NKAIN4: variants seen among roughly 807,000 people sequenced by gnomAD.
NKAIN4 encodes the protein sodium/potassium-transporting ATPase subunit beta-1-interacting protein 4.
NKAIN4 carries 28 observed loss-of-function variants against 28.8 expected under a neutral mutation model. The observed-to-expected ratio is 0.97, with a 90% CI of 0.72 to 1.33. NKAIN4 has a LOEUF of 1.33. Ranked by LOEUF, NKAIN4 falls within the 40% of genes most tolerant of loss-of-function variation. The probability of loss-of-function intolerance (pLI) is 0.00; values close to 1 mark genes in which losing one functional copy is unlikely to be tolerated. For synonymous variants in NKAIN4, 122 were observed against 115.6 expected (o/e 1.06, Z -0.36); for missense variants, 289 against 277.2 (o/e 1.04, Z -0.30).
chr20:63,254,571 C>T, upstream of NKAIN4: 4 of 673,502 alleles, frequency 5.9e-6, no homozygotes, highest in Non-Finnish European at 4.2e-6. Flanking sequence ...CCCCCCTCCT[C>T]CCCGCAACCC....
intron 5 of NKAIN4, 96 bp downstream of exon 5, chr20:63,243,928 G>A (rs2066808464): frequency 2.0e-6 from 2 of 1,017,090 alleles, no homozygotes; most frequent in Non-Finnish European, 3.0e-6. Flanking sequence ...CTTCCAAGTG[G>A]GGAGGTCTCT....
Position 63,241,390 on chromosome 20 carries a change from G to C in NKAIN4, c.*107C>G. On this transcript the variant is annotated 3_prime_UTR_variant, in exon 7 of 7. Coordinates refer to ENST00000370316, the MANE Select transcript of NKAIN4 (RefSeq NM_152864.4). ...CAGGGCAGGTGCTGCCGGCCGCCTGGGGGGTGCTGGGTGGGGGCGCGTCCC... is the reference window on the plus strand; with the variant it reads ...CAGGGCAGGTGCTGCCGGCCGCCTGCGGGGTGCTGGGTGGGGGCGCGTCCC... The C allele has an allele frequency of 8.1e-7, 1 of 1,232,356 alleles. No homozygotes were observed. The highest frequency in any genetic ancestry group is 1.2e-6 in the Non-Finnish European group (1 of 858,464). The allele number at this position is 1,232,356 out of a possible 1,614,324, so 76.3% of individuals were successfully genotyped here. A position where few individuals can be genotyped will look rare whatever the true frequency, so the allele number is the denominator to read the frequency against.
chr20:63,241,598 G>C (rs1468893365), intron 6 of NKAIN4, 92 bp from the exon 7 acceptor site: 5 of 1,176,446 alleles, frequency 4.3e-6, no homozygotes, highest in Non-Finnish European at 6.2e-6. Context: ...ACCTGAAATG[G>C]AACAAAGTCC....
In NKAIN4 at chr20:63,249,943, C is replaced by T. The variant is rs769217545; in HGVS notation, c.184G>A (p.Val62Ile). ...CCGGGCCCAGGACTCACCACCATGACATAGCGCAGCCGGTACTGGATGGTG... is the reference window on the plus strand; with the variant it reads ...CCGGGCCCAGGACTCACCACCATGATATAGCGCAGCCGGTACTGGATGGTG... Reference protein sequence around the residue: ...FGTIQYRLRYVMVYTLWAAVW... With the variant: ...FGTIQYRLRYIMVYTLWAAVW... Residue 62 changes from valine to isoleucine, a missense_variant, in exon 2 of 7, where the codon GTC (valine) becomes ATC (isoleucine). Physicochemically the swap from Val to Ile is conservative, Grantham distance 29 (BLOSUM62 3). Transcript: ENST00000370316. 8.7e-6 allele frequency: 14 copies of T among 1,612,978 alleles called. No homozygotes were observed. The Admixed American group carries it at 1.5e-4, about 17-fold the overall frequency.
chr20:63,246,289 GGGAAATT>G (rs1352150936), intron 4 of NKAIN4, among the ~76,000 whole-genome samples: 1 of 151,400 alleles, frequency 6.6e-6, no homozygotes, highest in Non-Finnish European at 1.5e-5. Flanking sequence ...GTGCACACTT[GGGAAATT>G]GGCTCTTTCT....
intron 4 of NKAIN4, chr20:63,247,229 A>G (rs2066875382): frequency 3.3e-6 from 4 of 1,212,176 alleles, no homozygotes; most frequent in Non-Finnish European, 3.1e-6. Context: ...TGGGTTTGTC[A>G]GGAAGATGCA....
At chr20:63,254,551 G>GCATCCCGTTCCCCCCTCCTCCC, upstream of NKAIN4, 1 of 814,520 alleles carries the variant, frequency 1.2e-6, no homozygotes, top group Non-Finnish European at 1.6e-6. Flanking sequence ...CGCCCCCTCC[G>GCATCCCGTTCCCCCCTCCTCCC]CATCCCGTTC....
At chr20:63,244,110 T>G in intron 4 of NKAIN4, 26 bp from the exon 5 acceptor site, 2 of 1,604,708 alleles carry the variant, frequency 1.2e-6, no homozygotes, top group Non-Finnish European at 1.7e-6. Flanking sequence ...GGCAGGGGCG[T>G]GAGTGCGGCC....
At position 63,249,969 on chromosome 20, in the gene NKAIN4, C is replaced by T; in HGVS notation, c.158G>A (p.Gly53Asp). The T allele has an allele frequency of 6.2e-7, 1 of 1,613,438 alleles. No individual in the cohort carries two copies. The highest frequency in any genetic ancestry group is 1.1e-5 in the South Asian group (1 of 91,078). The change falls in exon 2 of 7, where the codon GGC becomes GAC. Residue 53 changes from glycine (G) to aspartate (D), a missense_variant. Coordinates refer to ENST00000370316, the MANE Select transcript of NKAIN4 (RefSeq NM_152864.4). ...HIIIVILGLF[G>D]TIQYRLRYVM... is the part of the protein sequence containing the mutation. ...ATAGCGCAGCCGGTACTGGATGGTG[C>T]CGAAGAGTCCCAGGATGACGATGAT...
intron 2 of NKAIN4, 41 bp downstream of exon 2, chr20:63,249,894 C>A: frequency 6.3e-7 from 1 of 1,583,254 alleles, no homozygotes; most frequent in Non-Finnish European, 8.6e-7. Context: ...CTGGTCACCT[C>A]AACCCACCTG....
intron 4 of NKAIN4, chr20:63,247,117 A>T (rs1360885039): frequency 7.6e-6 from 8 of 1,046,258 alleles, no homozygotes; most frequent in Non-Finnish European, 8.1e-6. Flanking sequence ...GGTTCCCGAC[A>T]AGGCTGAGGG....
intron 3 of NKAIN4, chr20:63,248,404 T>G: frequency 1.6e-5 from 3 of 182,902 alleles, no homozygotes; most frequent in Non-Finnish European, 3.5e-5. Context: ...TCCCCCCACG[T>G]TTCCCCTGGT....
At chr20:63,254,376 C>T in intron 1 of NKAIN4, 21 bp downstream of exon 1, 1 of 1,444,148 alleles carries the variant, frequency 6.9e-7, no homozygotes, top group East Asian at 3.1e-5. Flanking sequence ...CCAGGAGGCT[C>T]GCGGAGGGGT....
At position 63,251,243 on chromosome 20, in the gene NKAIN4, T is replaced by C. The variant is rs1235371132; in HGVS notation, c.55-1171A>G. 3.9e-5 allele frequency among the ~76,000 whole-genome samples: 6 copies of C among 152,230 alleles called. No individual in the cohort carries two copies. The East Asian group carries it at 7.7e-4, about 20-fold the overall frequency. ...TTCAGTACTTTCACTAATTTGCTGC[T>C]GTTATCTAGAAGGCAGAGCCAGGTG... On this transcript the variant is annotated intron_variant, in intron 1 of 6. Coordinates refer to ENST00000370316, the MANE Select transcript of NKAIN4 (RefSeq NM_152864.4).
chr20:63,250,160 C>T, intron 1 of NKAIN4, 88 bp from the exon 2 acceptor site: 1 of 1,434,040 alleles, frequency 7.0e-7, no homozygotes, highest in South Asian at 1.4e-5. Context: ...GACAGGATCT[C>T]AGCAGGGACT....
chr20:63,253,237 C>A, intron 1 of NKAIN4: 2 of 985,456 alleles, frequency 2.0e-6, no homozygotes, highest in Non-Finnish European at 2.4e-6. Context: ...CCAACTGTTC[C>A]AAGGCCTGGG....
At chr20:63,251,165 GGA>G (rs61072358) in intron 1 of NKAIN4, among the ~76,000 whole-genome samples, 44,606 of 151,036 alleles carry the variant, frequency 0.3, 7,532 homozygotes, top group East Asian at 0.53. Flanking sequence ...CAGAGAGAGA[GGA>G]GAGAGAGAGA....
chr20:63,254,674 G>A, upstream of NKAIN4: 1 of 371,092 alleles, frequency 2.7e-6, no homozygotes, highest in East Asian at 4.1e-5. Flanking sequence ...GGCCGGAGAG[G>A]GGGACCGTTC....
chr20:63,245,933 T>TTC lies in NKAIN4; in HGVS notation c.471+1644_471+1645insGA, dbSNP rs1168287154. ...CTTCATTCATTCCCCTCAAGCTTCC[T>TTC]TTTTTTTTTTTTGAGACAGAGTCTC... On this transcript the variant is annotated intron_variant, in intron 4 of 6. Coordinates refer to ENST00000370316, the MANE Select transcript of NKAIN4 (RefSeq NM_152864.4). This position sits in a 1 kb window ranked among gnomAD's most constrained non-coding sequence, Gnocchi z 4.7. Among the ~76,000 whole-genome samples, 2 of 100,298 alleles carry TTC rather than the reference T, an allele frequency of 2.0e-5. No individual in the cohort carries two copies. The highest frequency in any genetic ancestry group is 1.0e-4 in the African/African-American group (2 of 19,336). The allele number at this position is 100,298 out of a possible 152,430, so 65.8% of individuals were successfully genotyped here.
Sources: gnomAD v4.1 joint callset for allele counts (sites outside exome capture counted in the v4.1 genomes callset) on GRCh38, gnomAD v4.1.1 for gene constraint, Gnocchi (gnomAD v3.1) non-coding constraint, MANE v1.5 for transcripts, NCBI Gene and HGNC (gene_info 2026-07-23, HGNC 2026-07-21) for gene names.